Variants in RAPH1 observed in about 807,000 individuals in gnomAD.
RAPH1 encodes ras-associated and pleckstrin homology domains-containing protein 1.
In RAPH1, 18 loss-of-function variants were observed where a neutral mutation model predicts 88.1. The ratio of observed to expected loss-of-function variants is 0.20; its 90% confidence interval spans 0.14 to 0.30. The LOEUF (loss-of-function observed/expected upper bound fraction) is 0.30. Among genes scored for constraint, RAPH1 ranks in the 10% least tolerant of loss-of-function variants. The probability of loss-of-function intolerance (pLI) is 1.00; values close to 1 mark genes in which losing one functional copy is unlikely to be tolerated. For missense variants in RAPH1, 1,448 were observed against 1,543.2 expected (o/e 0.94, Z 1.03); for synonymous variants, 587 against 559.0 (o/e 1.05, Z -0.71).
chr2:203,522,366 T>C lies in RAPH1; in HGVS notation c.-1+12745A>G, dbSNP rs375592872. 6.6e-5 allele frequency among the ~76,000 whole-genome samples: 10 copies of C among 152,366 alleles called. No homozygotes were observed. In the East Asian group the frequency reaches 1.7e-3, roughly 26 times the overall value. On this transcript the variant is annotated intron_variant, in intron 1 of 13. Coordinates refer to ENST00000319170, the MANE Select transcript of RAPH1 (RefSeq NM_213589.3). ...GAAATAGGACAGCATGCAGTGTTTA[T>C]GTAATACATTGTAAGGCAACTGAAA...
chr2:203,463,658 C>A (rs749821802), intron 4 of RAPH1, among the ~76,000 whole-genome samples: 2 of 152,130 alleles, frequency 1.3e-5, no homozygotes, highest in African/African-American at 2.4e-5. Context: ...AAACAAAGAA[C>A]TTTATTTTTA....
chr2:203,529,005 A>ATATATATATATATATTTTTTTT (rs1553633903), intron 1 of RAPH1, among the ~76,000 whole-genome samples: 1 of 41,154 alleles, frequency 2.4e-5, no homozygotes, highest in African/African-American at 1.2e-4. Flanking sequence ...ATATATATAT[A>ATATATATATATATATTTTTTTT]TTTTTTTTTT....
intron 1 of RAPH1, among the ~76,000 whole-genome samples, chr2:203,516,289 C>T (rs1347170575): frequency 6.6e-6 from 1 of 151,954 alleles, no homozygotes; most frequent in Non-Finnish European, 1.5e-5. Flanking sequence ...GGAGAGAAAA[C>T]TGAATCATAT....
At chr2:203,512,371 A>AC (rs1553631603) in intron 1 of RAPH1, among the ~76,000 whole-genome samples, 2 of 149,760 alleles carry the variant, frequency 1.3e-5, no homozygotes, top group Non-Finnish European at 3.0e-5. Flanking sequence ...AAAAAAAAAA[A>AC]CCCAAAAAAC....
At chr2:203,500,642 G>C (rs984030470) in intron 1 of RAPH1, among the ~76,000 whole-genome samples, 2 of 152,120 alleles carry the variant, frequency 1.3e-5, no homozygotes, top group Non-Finnish European at 2.9e-5. Flanking sequence ...CCAGGGTATT[G>C]CTTATACTCA....
At chr2:203,453,595 TG>T (rs1380496769) in intron 10 of RAPH1, among the ~76,000 whole-genome samples, 3 of 141,372 alleles carry the variant, frequency 2.1e-5, no homozygotes, top group African/African-American at 5.3e-5. Context: ...TACAATGTAC[TG>T]ACTTTATCAA....
chr2:203,528,995 A>ATT (rs1559508240), intron 1 of RAPH1, among the ~76,000 whole-genome samples: 12 of 79,532 alleles, frequency 1.5e-4, no homozygotes, highest in African/African-American at 6.7e-4. Flanking sequence ...ATATATATAT[A>ATT]TATATATATA....
chr2:203,468,187 T>C (rs953916693), intron 4 of RAPH1, among the ~76,000 whole-genome samples: 36 of 152,322 alleles, frequency 2.4e-4, no homozygotes, highest in African/African-American at 7.9e-4. Context: ...TAAATATTTG[T>C]TGAATGGATA....
intron 1 of RAPH1, among the ~76,000 whole-genome samples, chr2:203,522,895 C>CAAAAAAA (rs59862473): frequency 2.2e-4 from 19 of 85,788 alleles, no homozygotes; most frequent in Admixed American, 4.2e-4. Context: ...GACTCTGTCT[C>CAAAAAAA]AAAAAAAAAA....
At position 203,448,368 on chromosome 2, in the gene RAPH1, G is replaced by A. The variant is rs1559450944; in HGVS notation, c.1513-289C>T. On this transcript the variant is annotated intron_variant, in intron 11 of 13. Coordinates refer to ENST00000319170, the MANE Select transcript of RAPH1 (RefSeq NM_213589.3). This position sits in a 1 kb window ranked among gnomAD's most constrained non-coding sequence, Gnocchi z 4.1. ...AGGGCAGCTTTTTAGCACTCTTCAG[G>A]ATACTGCTCCAAATGTGGTTGGTAA... Among the ~76,000 whole-genome samples the A allele has an allele frequency of 6.6e-6, 1 of 152,062 alleles. No individual in the cohort carries two copies. The highest frequency in any genetic ancestry group is 1.5e-5 in the Non-Finnish European group (1 of 68,016).
chr2:203,506,875 TA>T lies in RAPH1; in HGVS notation c.1-11523del, dbSNP rs1689100107. Among the ~76,000 whole-genome samples the T allele has an allele frequency of 7.0e-5, 7 of 99,964 alleles. 1 individual carries two copies. The highest frequency in any genetic ancestry group is 3.2e-4 in the African/African-American group (7 of 21,782). The allele number at this position is 99,964 out of a possible 152,430, so 65.6% of individuals were successfully genotyped here. Reference sequence around the variant, plus strand: ...CTATATCTATATATATATATATATATATATAGATATATATATATATATATTT... The same window carrying T: ...CTATATCTATATATATATATATATATTATAGATATATATATATATATATTT... On this transcript the variant is annotated intron_variant, in intron 1 of 13. Transcript: ENST00000319170.
intron 12 of RAPH1, chr2:203,446,819 C>A (rs2098510127): frequency 6.6e-6 from 1 of 151,878 alleles, no homozygotes; most frequent in African/African-American, 2.4e-5. Flanking sequence ...TTATAGCTCA[C>A]TGCAGCCTTG....
rs150692950 is a variant in RAPH1, at chr2:203,501,571, C to G, written c.1-6218G>C. Among the ~76,000 whole-genome samples the G allele has an allele frequency of 7.8e-4, 118 of 152,240 alleles. 1 individual carries two copies. The highest frequency in any genetic ancestry group is 3.4e-3 in the Middle Eastern group (1 of 294). ...CTGCTTGAGCCCAGGAGTTTGAGAC[C>G]TGCCTGGGCCACATGGCGAGACCTC... On this transcript the variant is annotated intron_variant, in intron 1 of 13. Transcript: ENST00000319170.
At chr2:203,513,837 GAAAAAAA>G (rs564098428) in intron 1 of RAPH1, among the ~76,000 whole-genome samples, 1 of 118,082 alleles carries the variant, frequency 8.5e-6, no homozygotes, top group Non-Finnish European at 1.8e-5. Flanking sequence ...TCAGTCTCAA[GAAAAAAA>G]AAAAAAAATC....
In RAPH1 at chr2:203,461,367, T is replaced by G. The variant is rs576122294; in HGVS notation, c.852A>C (p.Thr284=). ...CTGTCTGCCTCTCATCCACCATCAT[T>G]GTTTTAGAACTGTCATCAGACATGT... ...RVHMSDDSSK[T]MMVDERQTVR... is the part of the protein sequence containing the mutation. Residue 284 remains threonine (T), a synonymous_variant, in exon 6 of 14, where the codon ACA becomes ACC. Transcript: ENST00000319170. 74 of 1,610,970 alleles carry G rather than the reference T, an allele frequency of 4.6e-5. 1 individual carries two copies. In the East Asian group the frequency reaches 1.1e-3, roughly 25 times the overall value.
intron 4 of RAPH1, 138 bp downstream of exon 4, chr2:203,489,446 C>T: frequency 1.7e-6 from 1 of 578,982 alleles, no homozygotes; most frequent in Non-Finnish European, 2.7e-6. Context: ...TCCTTCTGTA[C>T]TCTTGAAACC....
rs143812240 is a variant in RAPH1, at chr2:203,473,555, T to C, written c.733-11630A>G. Among the ~76,000 whole-genome samples the C allele has an allele frequency of 5.9e-4, 90 of 152,316 alleles. 1 individual carries two copies. The highest frequency in any genetic ancestry group is 3.4e-3 in the Middle Eastern group (1 of 294). On this transcript the variant is annotated intron_variant, in intron 4 of 13. Coordinates refer to ENST00000319170, the MANE Select transcript of RAPH1 (RefSeq NM_213589.3). The stretch of plus-strand genomic sequence containing the variant: ...GGTTCAGAAACAAGTTGTATATTTT[T>C]CACCCTTGATTACAGGGGAAAAAAA...
chr2:203,500,193 TA>T (rs1280241314), intron 1 of RAPH1, among the ~76,000 whole-genome samples: 1 of 152,140 alleles, frequency 6.6e-6, no homozygotes, highest in Non-Finnish European at 1.5e-5. Context: ...TTAAGTGCTA[TA>T]AAAGAGGTAT....
chr2:203,443,246 C>T (rs1373637902), intron 13 of RAPH1: 1 of 151,988 alleles, frequency 6.6e-6, no homozygotes, highest in African/African-American at 2.4e-5. Context: ...TGATTCAGAC[C>T]AAAAGCACCC....
Sources: allele counts gnomAD v4.1 joint callset (sites outside exome capture counted in the v4.1 genomes callset), GRCh38; gene constraint gnomAD v4.1.1; non-coding constraint Gnocchi (gnomAD v3.1); transcripts MANE v1.5; gene names NCBI Gene and HGNC (gene_info 2026-07-23, HGNC 2026-07-21).